The following GRIA4 variants were observed in gnomAD, a reference collection of about 807,000 sequenced individuals.
The protein encoded by GRIA4 is glutamate receptor 4.
GRIA4 carries 34 observed loss-of-function variants against 104.0 expected under a neutral mutation model. The observed-to-expected ratio is 0.33, with a 90% confidence interval of 0.25 to 0.44. The LOEUF is 0.44. Among genes scored for constraint, GRIA4 ranks in the 20% least tolerant of loss-of-function variants. GRIA4 has a pLI of 1.00. For missense variants in GRIA4, 750 were observed against 1,096.5 expected (o/e 0.68, Z 4.46); for synonymous variants, 386 against 381.9 (o/e 1.01, Z -0.13).
chr11:105,974,479 C>A, intron 16 of GRIA4, 35 bp downstream of exon 16: 1 of 1,613,740 alleles, frequency 6.2e-7, no homozygotes, highest in African/African-American at 1.3e-5. Flanking sequence ...AACCCAACTT[C>A]CTCGCAGAAT....
chr11:105,923,775 T>C (rs545153695), intron 11 of GRIA4, among the ~76,000 whole-genome samples: 151 of 152,256 alleles, frequency 9.9e-4, no homozygotes, highest in African/African-American at 3.5e-3. Context: ...GAAATCAAAA[T>C]ATGTGAATAG....
At chr11:105,936,461 C>G (rs1168981914) in intron 14 of GRIA4, among the ~76,000 whole-genome samples, 1 of 152,046 alleles carries the variant, frequency 6.6e-6, no homozygotes, top group Non-Finnish European at 1.5e-5. Flanking sequence ...TTTGTATTGC[C>G]TTGTCATTAA....
intron 5 of GRIA4, among the ~76,000 whole-genome samples, chr11:105,878,583 A>G (rs1399815511): frequency 6.6e-6 from 1 of 152,214 alleles, no homozygotes; most frequent in Non-Finnish European, 1.5e-5. Context: ...CATGACTGGC[A>G]CTGCTGCCTT....
At chr11:105,822,231 A>G (rs1448393370) in intron 4 of GRIA4, among the ~76,000 whole-genome samples, 1 of 152,122 alleles carries the variant, frequency 6.6e-6, no homozygotes. Flanking sequence ...GCCAGGCAAA[A>G]GACATATAGC....
chr11:105,944,068 A>G (rs779174169), intron 14 of GRIA4, among the ~76,000 whole-genome samples: 112 of 152,318 alleles, frequency 7.4e-4, no homozygotes, highest in Non-Finnish European at 9.3e-4. Context: ...CCAACTTTAC[A>G]ACGATTAAAG....
chr11:105,853,995 G>T (rs1376760229), intron 4 of GRIA4, among the ~76,000 whole-genome samples: 1 of 152,058 alleles, frequency 6.6e-6, no homozygotes, highest in Non-Finnish European at 1.5e-5. Context: ...TTTCAGTATT[G>T]TTTCACAATG....
intron 4 of GRIA4, among the ~76,000 whole-genome samples, chr11:105,785,306 T>C (rs552264242): frequency 6.6e-6 from 1 of 152,340 alleles, no homozygotes; most frequent in Admixed American, 6.5e-5. Flanking sequence ...TGCACGTATA[T>C]ATAAATATGC....
chr11:105,636,354 C>T (rs1479472614), intron 3 of GRIA4, among the ~76,000 whole-genome samples: 9 of 152,102 alleles, frequency 5.9e-5, no homozygotes, highest in Non-Finnish European at 7.4e-5. Context: ...TCATTTTTGT[C>T]CCTCAAGAAT....
intron 3 of GRIA4, among the ~76,000 whole-genome samples, chr11:105,699,720 G>GATAAGT (rs1282400095): frequency 6.6e-6 from 1 of 151,852 alleles, no homozygotes; most frequent in Non-Finnish European, 1.5e-5. Flanking sequence ...ACACGCACGG[G>GATAAGT]GCTCTGTCCC....
chr11:105,964,418 G>A (rs945177544), intron 14 of GRIA4, among the ~76,000 whole-genome samples: 2 of 152,144 alleles, frequency 1.3e-5, no homozygotes, highest in Non-Finnish European at 2.9e-5. Flanking sequence ...GAAATAATAT[G>A]AACAAATTTT....
At chr11:105,933,104 T>C (rs1947930985) in intron 13 of GRIA4, among the ~76,000 whole-genome samples, 1 of 151,906 alleles carries the variant, frequency 6.6e-6, no homozygotes, top group Admixed American at 6.6e-5. Flanking sequence ...TAGTTGGACA[T>C]GGTGGCATGC....
At chr11:105,705,100 T>C (rs1953645449) in intron 3 of GRIA4, among the ~76,000 whole-genome samples, 2 of 152,126 alleles carry the variant, frequency 1.3e-5, no homozygotes, top group East Asian at 1.9e-4. Flanking sequence ...AGCTCAGATA[T>C]AGATTCAAAT....
chr11:105,781,474 C>T (rs904329310), intron 4 of GRIA4, among the ~76,000 whole-genome samples: 2 of 152,088 alleles, frequency 1.3e-5, no homozygotes, highest in South Asian at 2.1e-4. Flanking sequence ...CCATAAGTTA[C>T]GTTTCTACAT....
At chr11:105,686,477 A>G (rs1952886510) in intron 3 of GRIA4, among the ~76,000 whole-genome samples, 2 of 152,170 alleles carry the variant, frequency 1.3e-5, no homozygotes, top group South Asian at 2.1e-4. Flanking sequence ...TCAACCCTTG[A>G]TGGGCAAGTA....
chr11:105,866,547 GTGTGTATATA>G (rs1274915127), intron 5 of GRIA4, among the ~76,000 whole-genome samples: 1 of 42,668 alleles, frequency 2.3e-5, no homozygotes, highest in East Asian at 3.6e-4. Flanking sequence ...GTGTGTGTGT[GTGTGTATATA>G]TATATATATA....
intron 3 of GRIA4, chr11:105,614,059 ATTTG>A (rs995868555): frequency 2.0e-5 from 3 of 151,824 alleles, no homozygotes; most frequent in African/African-American, 4.8e-5. Flanking sequence ...CGTAAATATT[ATTTG>A]TTTATTTAAA....
intron 5 of GRIA4, among the ~76,000 whole-genome samples, chr11:105,872,875 T>G (rs1591377498): frequency 1.3e-5 from 2 of 152,280 alleles, no homozygotes; most frequent in South Asian, 4.1e-4. Context: ...TAAATTTTTA[T>G]TTTTTAATTT....
intron 3 of GRIA4, chr11:105,613,307 G>A (rs1215329326): frequency 6.6e-6 from 1 of 152,038 alleles, no homozygotes; most frequent in Non-Finnish European, 1.5e-5. Context: ...GTCAATAGCA[G>A]TTGTATTGCT....
chr11:105,801,727 C>A (rs574915086), intron 4 of GRIA4, among the ~76,000 whole-genome samples: 21 of 152,058 alleles, frequency 1.4e-4, no homozygotes, highest in Admixed American at 1.2e-3. Flanking sequence ...TGTAGAGAAG[C>A]TGAATTTGAC....
Sources: gnomAD v4.1 joint callset for allele counts (sites outside exome capture counted in the v4.1 genomes callset) on GRCh38, gnomAD v4.1.1 for gene constraint, MANE v1.5 for transcripts, NCBI Gene and HGNC (gene_info 2026-07-23, HGNC 2026-07-21) for gene names.